Variants in ADAM23 observed in about 807,000 individuals in gnomAD.
The protein encoded by ADAM23 is disintegrin and metalloproteinase domain-containing protein 23.
Under a neutral mutation model 120.1 loss-of-function variants are expected in ADAM23, and 33 were observed. The observed-to-expected ratio is 0.27, with a 90% CI of 0.21 to 0.37. ADAM23 has a LOEUF of 0.37. ADAM23 is among the 10% of genes least tolerant of loss of function. The pLI, the probability that ADAM23 is intolerant of heterozygous loss-of-function variation, is 1.00. For missense variants in ADAM23, 862 were observed against 1,058.2 expected (o/e 0.81, Z 2.57); for synonymous variants, 367 against 375.2 (o/e 0.98, Z 0.25).
At chr2:206,583,257 A>G (rs1461519027) in intron 18 of ADAM23, among the ~76,000 whole-genome samples, 1 of 152,196 alleles carries the variant, frequency 6.6e-6, no homozygotes, top group Non-Finnish European at 1.5e-5. Flanking sequence ...GATCGAGACC[A>G]TCCTGGCTGA....
intron 6 of ADAM23, among the ~76,000 whole-genome samples, chr2:206,543,634 C>T (rs979566220): frequency 3.9e-5 from 6 of 152,030 alleles, no homozygotes; most frequent in African/African-American, 1.5e-4. Flanking sequence ...TCATAGAAGT[C>T]ATTATATGAA....
intron 3 of ADAM23, among the ~76,000 whole-genome samples, chr2:206,518,246 C>T (rs1161041254): frequency 6.6e-6 from 1 of 152,114 alleles, no homozygotes; most frequent in Non-Finnish European, 1.5e-5. Context: ...AAAATGATTT[C>T]AGGACATATA....
At chr2:206,478,277 C>A (rs1007836293) in intron 2 of ADAM23, among the ~76,000 whole-genome samples, 1 of 151,980 alleles carries the variant, frequency 6.6e-6, no homozygotes, top group African/African-American at 2.4e-5. Context: ...TTAGATGAAA[C>A]TAATTCCATT....
intron 3 of ADAM23, among the ~76,000 whole-genome samples, chr2:206,508,231 G>A (rs189091580): frequency 4.8e-4 from 73 of 152,108 alleles, no homozygotes; most frequent in East Asian, 4.1e-3. Context: ...GGGTTTCACC[G>A]TGTTAGCCAG....
rs1007854695 is a variant in ADAM23 at position 206,526,965 on chromosome 2, A to G, written c.510-3920A>G. Among the ~76,000 whole-genome samples the G allele has an allele frequency of 5.3e-5, 8 of 152,128 alleles. 1 individual carries two copies. The highest frequency in any genetic ancestry group is 1.0e-4 in the Non-Finnish European group (7 of 68,036). ...GTGGGTTCAAGAGTTTCCTTGTTCT[A>G]GTTCTTCCACTTTCTTTCACTGGCT... On this transcript the variant is annotated intron_variant, in intron 3 of 25. Coordinates refer to ENST00000264377, the MANE Select transcript of ADAM23 (RefSeq NM_003812.4).
chr2:206,611,461 A>G (rs1698826507), intron 25 of ADAM23, among the ~76,000 whole-genome samples: 1 of 152,240 alleles, frequency 6.6e-6, no homozygotes, highest in Admixed American at 6.5e-5. Flanking sequence ...CTGCTACAAA[A>G]AAGTCATTGA....
At chr2:206,466,101 A>G (rs1356260348) in intron 2 of ADAM23, among the ~76,000 whole-genome samples, 2 of 152,216 alleles carry the variant, frequency 1.3e-5, no homozygotes, top group African/African-American at 2.4e-5. Flanking sequence ...AAGTAGTGAC[A>G]TGTTTGAAAT....
In ADAM23 at chr2:206,587,367, C is replaced by G. The variant is rs926644787; in HGVS notation, c.1780C>G (p.Gln594Glu). ...LHKQDGYACN[Q>E]NQGRCYNGEC... ...TAAGCAAGACGGATATGCATGCAAT[C>G]AAAATCAGGTATGCTGGGCTATAAA... The change falls in exon 19 of 26, where the codon CAA becomes GAA. Residue 594 changes from glutamine to glutamate, a missense_variant. Gln to Glu is a conservative substitution (Grantham distance 29). This residue lies in a region of ADAM23 where 617 missense variants were observed against 813.5 expected (regional missense o/e 0.76). Transcript: ENST00000264377. The G allele has an allele frequency of 1.2e-6, 2 of 1,605,884 alleles. No homozygotes were observed. The highest frequency in any genetic ancestry group is 8.5e-7 in the Non-Finnish European group (1 of 1,175,676).
chr2:206,537,577 C>T (rs1386036275), intron 4 of ADAM23, among the ~76,000 whole-genome samples: 1 of 151,976 alleles, frequency 6.6e-6, no homozygotes, highest in African/African-American at 2.4e-5. Context: ...TTTTCTCATT[C>T]CCTCTTCTTT....
chr2:206,536,259 CA>C (rs1349879378), intron 4 of ADAM23, among the ~76,000 whole-genome samples: 2 of 152,058 alleles, frequency 1.3e-5, no homozygotes, highest in Non-Finnish European at 2.9e-5. Context: ...AAGCCAGACA[CA>C]GAAAGAAAAA....
chr2:206,447,369 A>G (rs915424122), intron 2 of ADAM23, among the ~76,000 whole-genome samples: 9 of 152,336 alleles, frequency 5.9e-5, no homozygotes, highest in African/African-American at 2.2e-4. Context: ...CTCATATGCA[A>G]GCGGTATGCT....
chr2:206,560,092 G>A lies in ADAM23; in HGVS notation c.1143G>A (p.Gln381=). The change falls in exon 11 of 26, where the codon CAG becomes CAA. Residue 381 remains glutamine, a synonymous_variant. Coordinates refer to ENST00000264377, the MANE Select transcript of ADAM23 (RefSeq NM_003812.4). ...EFSKYRQRIK[Q]HADAVHLISR... The stretch of plus-strand genomic sequence containing the variant: ...CAAAATACCGGCAGCGCATTAAGCA[G>A]CATGCTGATGCTGTGCACCTCATCT... 3 of 1,613,972 alleles carry A rather than the reference G, an allele frequency of 1.9e-6. No homozygotes were observed. The highest frequency in any genetic ancestry group is 2.5e-6 in the Non-Finnish European group (3 of 1,179,886).
At chr2:206,466,224 C>T (rs1695539908) in intron 2 of ADAM23, among the ~76,000 whole-genome samples, 1 of 152,130 alleles carries the variant, frequency 6.6e-6, no homozygotes, top group African/African-American at 2.4e-5. Context: ...TACATTCATG[C>T]ATGTGATCCA....
In ADAM23 at chr2:206,561,229, A is replaced by G. The variant is rs767241052; in HGVS notation, c.1254+17A>G. 1 of 1,604,690 alleles carries G rather than the reference A, an allele frequency of 6.2e-7. No homozygotes were observed. The highest frequency in any genetic ancestry group is 2.2e-5 in the East Asian group (1 of 44,810). On this transcript the variant is annotated intron_variant, in intron 12 of 25. Coordinates refer to ENST00000264377, the MANE Select transcript of ADAM23 (RefSeq NM_003812.4). ...GTGAATGAGGTAAATTTTACCAATT[A>G]GAGTTTCATCTTTGCATCTGTTCTC...
intron 21 of ADAM23, among the ~76,000 whole-genome samples, chr2:206,591,683 A>G (rs533727204): frequency 1.6e-4 from 25 of 152,308 alleles, no homozygotes; most frequent in Non-Finnish European, 3.1e-4. Flanking sequence ...AAAATTTGCT[A>G]AGTCATAGGG....
At chr2:206,453,043 A>G (rs746676699) in intron 2 of ADAM23, among the ~76,000 whole-genome samples, 32 of 152,210 alleles carry the variant, frequency 2.1e-4, no homozygotes, top group Non-Finnish European at 5.9e-5. Context: ...TTTCAGCTAG[A>G]TGAATTTTCC....
chr2:206,562,528 C>A (rs1697787849), intron 13 of ADAM23, among the ~76,000 whole-genome samples: 1 of 152,142 alleles, frequency 6.6e-6, no homozygotes, highest in Admixed American at 6.5e-5. Context: ...GGGAATGAGT[C>A]AGCTCTTTCT....
intron 2 of ADAM23, among the ~76,000 whole-genome samples, chr2:206,468,651 C>G (rs892663061): frequency 6.6e-6 from 1 of 152,180 alleles, no homozygotes. Flanking sequence ...CCTCCAAACT[C>G]TTCCAGCCTC....
At chr2:206,447,231 C>T (rs1695100197) in intron 2 of ADAM23, among the ~76,000 whole-genome samples, 1 of 152,136 alleles carries the variant, frequency 6.6e-6, no homozygotes. Flanking sequence ...AAACCTGTAC[C>T]CACCGCTTAC....
Sources: gnomAD v4.1 joint callset for allele counts (sites outside exome capture counted in the v4.1 genomes callset) on GRCh38, gnomAD v4.1.1 for gene constraint, gnomAD v4.1.1 regional missense constraint, MANE v1.5 for transcripts, NCBI Gene and HGNC (gene_info 2026-07-23, HGNC 2026-07-21) for gene names.